ITSN2: variants seen among roughly 807,000 people sequenced by gnomAD.
The protein encoded by ITSN2 is intersectin 2.
ITSN2 carries 156 observed loss-of-function variants against 243.7 expected under a neutral mutation model. The observed-to-expected ratio is 0.64, with a 90% CI of 0.56 to 0.73. The LOEUF (loss-of-function observed/expected upper bound fraction) is 0.73. ITSN2 is among the 30% of genes least tolerant of loss of function. ITSN2 has a pLI of 0.00. For synonymous variants in ITSN2, 703 were observed against 699.9 expected (o/e 1.00, Z -0.07); for missense variants, 1,801 against 1,996.1 (o/e 0.90, Z 1.86).
At position 24,210,027 on chromosome 2, in the gene ITSN2, T is replaced by C. The variant is rs150969472; in HGVS notation, c.4264A>G (p.Ile1422Val). ...AGGCAGTTGGTGAGAGAGTTGAAAA[T>C]AAGTTGCTTAAAGAGAAAGAAAATT... ...VQCEGLAEQLIFNSLTNCLGP... is the reference protein window; with the variant it reads ...VQCEGLAEQLVFNSLTNCLGP... Residue 1422 changes from isoleucine to valine, a missense_variant, in exon 35 of 40, where the codon ATT becomes GTT. Transcript: ENST00000355123. 5.0e-6 allele frequency: 8 copies of C among 1,612,290 alleles called. No homozygotes were observed. In the African/African-American group the frequency reaches 1.1e-4, roughly 22 times the overall value.
intron 1 of ITSN2, among the ~76,000 whole-genome samples, chr2:24,337,335 T>TATATATATATATATAC (rs1686536760): frequency 1.8e-5 from 2 of 108,966 alleles, no homozygotes; most frequent in East Asian, 2.5e-4. Context: ...TATATATATA[T>TATATATATATATATAC]ATATATATAT....
Position 24,271,816 on chromosome 2 carries a change from T to A in ITSN2, c.2207A>T (p.Glu736Val). The change falls in exon 19 of 40, where the codon GAG (glutamate) becomes GTG (valine). Residue 736 changes from glutamate (E) to valine (V), a missense_variant. Around this residue, in one of 5 missense-constraint regions of ITSN2, gnomAD observed 787 missense variants for 803.9 expected, o/e 0.98. Transcript: ENST00000355123. Reference sequence around the variant, plus strand: ...ATCCTTATCCTTACGTTGTTTCTCCTCAGCTTTCCGTTCCTCTTCTTGAAT... The same window carrying A: ...ATCCTTATCCTTACGTTGTTTCTCCACAGCTTTCCGTTCCTCTTCTTGAAT... ...EKIQEEERKA[E>V]EKQRKDKDTL... 6.2e-7 allele frequency: 1 copy of A among 1,608,348 alleles called. No individual in the cohort carries two copies. Among genetic ancestry groups the A allele is most frequent in the Non-Finnish European group, 8.5e-7 (1 of 1,178,840 alleles).
intron 1 of ITSN2, among the ~76,000 whole-genome samples, chr2:24,349,911 G>T (rs1416435982): frequency 1.3e-5 from 2 of 152,184 alleles, no homozygotes; most frequent in African/African-American, 4.8e-5. Flanking sequence ...GCCAATTTGA[G>T]ACAACACCAC....
intron 15 of ITSN2, among the ~76,000 whole-genome samples, chr2:24,290,098 T>G (rs1680062839): frequency 6.6e-6 from 1 of 152,226 alleles, no homozygotes; most frequent in Non-Finnish European, 1.5e-5. Flanking sequence ...GATTTTTGTC[T>G]TTCATTCTGT....
intron 2 of ITSN2, among the ~76,000 whole-genome samples, chr2:24,327,530 C>A (rs1036251128): frequency 6.6e-6 from 1 of 152,030 alleles, no homozygotes; most frequent in South Asian, 2.1e-4. Context: ...AACTCCTGAC[C>A]TCAAGTGATC....
chr2:24,229,848 ACCTCT>A (rs1001646203), intron 29 of ITSN2, among the ~76,000 whole-genome samples: 4 of 151,302 alleles, frequency 2.6e-5, no homozygotes, highest in Admixed American at 6.6e-5. Flanking sequence ...CCAGGTCACC[ACCTCT>A]CCTCTCCTCA....
At chr2:24,281,705 G>A (rs1209017713) in intron 17 of ITSN2, among the ~76,000 whole-genome samples, 1 of 152,166 alleles carries the variant, frequency 6.6e-6, no homozygotes, top group Non-Finnish European at 1.5e-5. Context: ...TACTAAGCTT[G>A]CATATCTGCA....
intron 1 of ITSN2, among the ~76,000 whole-genome samples, chr2:24,355,523 TA>T (rs1688366090): frequency 6.6e-6 from 1 of 152,184 alleles, no homozygotes; most frequent in Non-Finnish European, 1.5e-5. Context: ...GAAAATTGGC[TA>T]GCCATATGCA....
intron 17 of ITSN2, 97 bp from the exon 18 acceptor site, chr2:24,275,946 T>C (rs1442728257): frequency 8.0e-6 from 7 of 880,064 alleles, no homozygotes; most frequent in East Asian, 5.5e-5. Context: ...AAAAATCCTA[T>C]AGCAAGTTGA....
chr2:24,264,697 T>TACACACACAC lies in ITSN2; in HGVS notation c.2356-2965_2356-2956dup, dbSNP rs55826835. Among the ~76,000 whole-genome samples, 94 of 49,948 alleles carry TACACACACAC rather than the reference T, an allele frequency of 1.9e-3. 1 individual carries two copies. Among genetic ancestry groups the TACACACACAC allele is most frequent in the African/African-American group, 3.4e-3 (52 of 15,190 alleles). The allele number at this position is 49,948 out of a possible 152,430, so 32.8% of individuals were successfully genotyped here. A position where few individuals can be genotyped will look rare whatever the true frequency, so the allele number is the denominator to read the frequency against. The stretch of plus-strand genomic sequence containing the variant: ...ACCTCTGTCGAAAATCTGTTGTTTA[T>TACACACACAC]ACACACACACACACACACACACACA... On this transcript the variant is annotated intron_variant, in intron 20 of 39. Transcript: ENST00000355123.
At chr2:24,292,181 T>G (rs2151603412) in intron 15 of ITSN2, among the ~76,000 whole-genome samples, 1 of 152,322 alleles carries the variant, frequency 6.6e-6, no homozygotes, top group South Asian at 2.1e-4. Context: ...AACAAAAGCT[T>G]CCTATTTTGA....
chr2:24,220,975 C>T lies in ITSN2; in HGVS notation c.3669G>A (p.Arg1223=), dbSNP rs776473242. 3 of 1,609,776 alleles carry T rather than the reference C, an allele frequency of 1.9e-6. No individual in the cohort carries two copies. Among genetic ancestry groups the T allele is most frequent in the Non-Finnish European group, 2.5e-6 (3 of 1,178,472 alleles). Reference sequence around the variant, plus strand: ...CGACGAGCTGAAGGTCAGCCATGTACCGCTCTTCGGTCTGAATCAGCTCAT... The same window carrying T: ...CGACGAGCTGAAGGTCAGCCATGTATCGCTCTTCGGTCTGAATCAGCTCAT... ...YIHELIQTEE[R]YMADLQLVVE... Residue 1223 remains arginine, a synonymous_variant, in exon 30 of 40, where the codon CGG becomes CGA. Coordinates refer to ENST00000355123, the MANE Select transcript of ITSN2 (RefSeq NM_006277.3).
At chr2:24,296,547 C>T (rs891479243) in intron 13 of ITSN2, among the ~76,000 whole-genome samples, 3 of 152,080 alleles carry the variant, frequency 2.0e-5, no homozygotes, top group Non-Finnish European at 2.9e-5. Flanking sequence ...GAAATCTGAA[C>T]ACAAAAGGCA....
intron 1 of ITSN2, among the ~76,000 whole-genome samples, chr2:24,337,283 A>G (rs4665688): frequency 0.47 from 13,301 of 28,240 alleles, 1,742 homozygotes; most frequent in African/African-American, 0.55. Flanking sequence ...ATATGTATGT[A>G]TGTGTGTGTG....
chr2:24,296,476 G>T (rs1680978177), intron 13 of ITSN2, among the ~76,000 whole-genome samples: 2 of 152,144 alleles, frequency 1.3e-5, no homozygotes, highest in South Asian at 4.1e-4. Flanking sequence ...GGTGATTAAG[G>T]TTAAACAAAG....
At chr2:24,250,883 G>C (rs113870954) in intron 25 of ITSN2, among the ~76,000 whole-genome samples, 1 of 152,136 alleles carries the variant, frequency 6.6e-6, no homozygotes, top group African/African-American at 2.4e-5. Context: ...GAAAGTAGCT[G>C]ACTTAATTAA....
intron 29 of ITSN2, chr2:24,241,546 C>A (rs1388010235): frequency 1.4e-5 from 2 of 145,080 alleles, no homozygotes; most frequent in Non-Finnish European, 3.2e-5. Flanking sequence ...ATTTAAAAAG[C>A]TCCCCCAAAA....
intron 1 of ITSN2, among the ~76,000 whole-genome samples, 173 bp downstream of exon 1, chr2:24,360,131 C>T (rs991761302): frequency 4.6e-4 from 70 of 152,188 alleles, no homozygotes; most frequent in Middle Eastern, 3.4e-3. Context: ...CCGCCCCGCA[C>T]GGCCGAGCCC....
rs374307561 is a variant in ITSN2, at chr2:24,303,517, T to C, written c.857+282A>G. Among the ~76,000 whole-genome samples the C allele has an allele frequency of 3.7e-4, 57 of 152,350 alleles. 1 individual carries two copies. The South Asian group carries it at 7.2e-3, about 19-fold the overall frequency. The stretch of plus-strand genomic sequence containing the variant: ...ACAAGAGTCAAAAAGTTTTAAAAAA[T>C]TAAAAGGTTTACAAAGTTAAAAAGT... On this transcript the variant is annotated intron_variant, in intron 9 of 39. Coordinates refer to ENST00000355123, the MANE Select transcript of ITSN2 (RefSeq NM_006277.3).
Sources: gnomAD v4.1 joint callset for allele counts (sites outside exome capture counted in the v4.1 genomes callset) on GRCh38, gnomAD v4.1.1 for gene constraint, gnomAD v4.1.1 regional missense constraint, MANE v1.5 for transcripts, NCBI Gene and HGNC (gene_info 2026-07-23, HGNC 2026-07-21) for gene names.